Variants in PARD3B observed in about 807,000 individuals in gnomAD.
PARD3B encodes the protein partitioning defective 3 homolog B.
A neutral mutation model predicts 130.2 loss-of-function variants in PARD3B; 103 were observed. The observed-to-expected ratio is 0.79, with a 90% CI of 0.67 to 0.93. The LOEUF is 0.93. Among genes scored for constraint, PARD3B ranks in the 40% least tolerant of loss-of-function variants. The probability of loss-of-function intolerance (pLI) is 0.00; values close to 1 mark genes in which losing one functional copy is unlikely to be tolerated. For synonymous variants in PARD3B, 583 were observed against 553.2 expected, an observed-to-expected ratio of 1.05 and a Z score of -0.76; for missense variants, 1,609 against 1,499.2, an observed-to-expected ratio of 1.07 and a Z score of -1.21.
At chr2:205,567,591 G>A (rs2106538046) in intron 22 of PARD3B, among the ~76,000 whole-genome samples, 1 of 150,704 alleles carries the variant, frequency 6.6e-6, no homozygotes, top group Non-Finnish European at 1.5e-5. Flanking sequence ...CAAAGTGCTG[G>A]GATTACAGGC....
chr2:204,815,294 A>G (rs2043105476), intron 2 of PARD3B, among the ~76,000 whole-genome samples: 1 of 151,940 alleles, frequency 6.6e-6, no homozygotes, highest in Admixed American at 6.6e-5. Flanking sequence ...ACTTAACCTA[A>G]GTTGTTGAAT....
intron 21 of PARD3B, among the ~76,000 whole-genome samples, chr2:205,521,235 A>G (rs889475974): frequency 6.6e-6 from 1 of 151,864 alleles, no homozygotes; most frequent in Non-Finnish European, 1.5e-5. Context: ...TGTTGTTTTC[A>G]TTTCTTAATT....
At chr2:205,449,166 CAAAA>C (rs757916003) in intron 20 of PARD3B, among the ~76,000 whole-genome samples, 20 of 50,240 alleles carry the variant, frequency 4.0e-4, no homozygotes, top group African/African-American at 1.4e-3. Context: ...AACTCCATCT[CAAAA>C]AAAAAAAAAA....
intron 16 of PARD3B, among the ~76,000 whole-genome samples, chr2:205,279,501 T>G (rs1329793289): frequency 6.6e-6 from 1 of 152,228 alleles, no homozygotes; most frequent in Non-Finnish European, 1.5e-5. Flanking sequence ...CACAATGGCA[T>G]TATTAAAACA....
chr2:204,629,653 A>G (rs2034612142), intron 1 of PARD3B, among the ~76,000 whole-genome samples: 5 of 151,894 alleles, frequency 3.3e-5, no homozygotes, highest in Non-Finnish European at 1.5e-5. Flanking sequence ...GTATAATGCC[A>G]CACTGGGCCA....
rs1048206738 is a variant in PARD3B at position 204,623,350 on chromosome 2, A to C, written c.121-62831A>C. Among the ~76,000 whole-genome samples, 2 of 152,106 alleles carry C rather than the reference A, an allele frequency of 1.3e-5. No individual in the cohort carries two copies. Among genetic ancestry groups the C allele is most frequent in the South Asian group, 4.2e-4 (2 of 4,814 alleles). On this transcript the variant is annotated intron_variant, in intron 1 of 22. Transcript: ENST00000406610. This position sits in a 1 kb window ranked among gnomAD's most constrained non-coding sequence, Gnocchi z 4.5. ...GTTACCTGTATAGATTAATGTCACC[A>C]TTACAATCAAGATAAGGAACTATTC...
chr2:204,909,122 T>A (rs1575276513), intron 2 of PARD3B, among the ~76,000 whole-genome samples: 2 of 152,282 alleles, frequency 1.3e-5, no homozygotes, highest in East Asian at 3.9e-4. Flanking sequence ...TAAGGAACCA[T>A]GCAGATCATC....
chr2:204,828,013 C>A (rs926941532), intron 2 of PARD3B, among the ~76,000 whole-genome samples: 61 of 146,578 alleles, frequency 4.2e-4, no homozygotes, highest in African/African-American at 1.6e-3. Flanking sequence ...CCTAATCAAT[C>A]CAGTTCAACC....
intron 2 of PARD3B, among the ~76,000 whole-genome samples, chr2:204,693,143 A>G (rs771465624): frequency 2.3e-4 from 35 of 152,066 alleles, no homozygotes; most frequent in Admixed American, 1.4e-3. Context: ...CCAGACTTGA[A>G]CTTGCAGTTA....
At chr2:204,704,766 A>G (rs1165963831) in intron 2 of PARD3B, among the ~76,000 whole-genome samples, 1 of 152,070 alleles carries the variant, frequency 6.6e-6, no homozygotes, top group Non-Finnish European at 1.5e-5. Context: ...CTAGAGTGCT[A>G]CTCTTATATA....
Position 205,259,124 on chromosome 2 carries a change from G to A in PARD3B, c.2185+13302G>A, listed in dbSNP as rs191187625. Among the ~76,000 whole-genome samples, 9 of 151,700 alleles carry A rather than the reference G, an allele frequency of 5.9e-5. No homozygotes were observed. The South Asian group carries it at 6.3e-4, about 11-fold the overall frequency. ...GTTTTCTTTCTTATTTTTTGGTCCC[G>A]CAAATTATATATTAATTTCAGTGTT... On this transcript the variant is annotated intron_variant, in intron 16 of 22. Coordinates refer to ENST00000406610, the MANE Select transcript of PARD3B (RefSeq NM_001302769.2).
intron 22 of PARD3B, among the ~76,000 whole-genome samples, chr2:205,577,847 T>G (rs936416247): frequency 5.9e-5 from 9 of 152,236 alleles, no homozygotes; most frequent in Non-Finnish European, 4.4e-5. Flanking sequence ...TGGCCTGTCT[T>G]GTGGATTGAT....
intron 2 of PARD3B, among the ~76,000 whole-genome samples, chr2:204,806,919 A>G (rs1198970548): frequency 6.6e-6 from 1 of 152,168 alleles, no homozygotes; most frequent in Non-Finnish European, 1.5e-5. Context: ...GCCTATTTTC[A>G]TACTGCTATG....
rs887549653 is a variant in PARD3B, at chr2:205,330,047, A to G, written c.2630+28346A>G. Among the ~76,000 whole-genome samples the G allele has an allele frequency of 4.1e-5, 6 of 145,274 alleles. No homozygotes were observed. The South Asian group carries it at 9.0e-4, about 22-fold the overall frequency. ...TAAATAAATAAATAAAATAAAATAA[A>G]TCATTAACGTAGGCTGGGCACGGTG... On this transcript the variant is annotated intron_variant, in intron 18 of 22. Coordinates refer to ENST00000406610, the MANE Select transcript of PARD3B (RefSeq NM_001302769.2).
chr2:205,238,360 A>G (rs78277712), intron 15 of PARD3B, among the ~76,000 whole-genome samples: 4,397 of 152,218 alleles, frequency 0.029, 218 homozygotes, highest in African/African-American at 0.098. Context: ...CATTCCATCT[A>G]CTTGGGTTGC....
chr2:204,570,871 G>A (rs889212423), intron 1 of PARD3B, among the ~76,000 whole-genome samples: 4 of 149,246 alleles, frequency 2.7e-5, no homozygotes, highest in African/African-American at 7.6e-5. Flanking sequence ...TTGTAACTGA[G>A]GTGTATAAGC....
At chr2:205,024,453 C>G (rs1374083627) in intron 3 of PARD3B, among the ~76,000 whole-genome samples, 1 of 151,920 alleles carries the variant, frequency 6.6e-6, no homozygotes, top group Non-Finnish European at 1.5e-5. Context: ...ACAGGCCTCA[C>G]TGTTATTTTC....
chr2:204,882,983 C>A (rs1352427646), intron 2 of PARD3B, among the ~76,000 whole-genome samples: 1 of 152,154 alleles, frequency 6.6e-6, no homozygotes, highest in East Asian at 1.9e-4. Flanking sequence ...AAAGAATGAG[C>A]TTCCCGTGCT....
intron 2 of PARD3B, among the ~76,000 whole-genome samples, chr2:204,848,645 A>G (rs1025445242): frequency 4.0e-5 from 6 of 150,508 alleles, no homozygotes; most frequent in Non-Finnish European, 7.4e-5. Flanking sequence ...GACTCTGTCT[A>G]TCTATCTATC....
Sources: allele counts gnomAD v4.1 joint callset (sites outside exome capture counted in the v4.1 genomes callset), GRCh38; gene constraint gnomAD v4.1.1; non-coding constraint Gnocchi (gnomAD v3.1); transcripts MANE v1.5; gene names NCBI Gene and HGNC (gene_info 2026-07-23, HGNC 2026-07-21).